The following KAZN variants were observed in gnomAD, a reference collection of about 807,000 sequenced individuals.
KAZN encodes the protein kazrin, periplakin interacting protein, also known as kazrin.
Under a neutral mutation model 87.4 loss-of-function variants are expected in KAZN, and 40 were observed. That is an observed-to-expected ratio of 0.46 (90% CI 0.36 to 0.60). KAZN has a LOEUF of 0.60. Among genes scored for constraint, KAZN ranks in the 20% least tolerant of loss-of-function variants. KAZN has a pLI of 0.00. For missense variants in KAZN, 898 were observed against 1,073.9 expected, an observed-to-expected ratio of 0.84 and a Z score of 2.29; for synonymous variants, 466 against 458.3, an observed-to-expected ratio of 1.02 and a Z score of -0.22.
intron 10 of KAZN, 101 bp downstream of exon 10, chr1:15,095,034 G>A: frequency 1.3e-6 from 1 of 785,040 alleles, no homozygotes; most frequent in Middle Eastern, 2.8e-4. Flanking sequence ...GCTGAACCAG[G>A]TGGTGGGGGA....
At chr1:15,113,553 G>C (rs1243674939) in intron 14 of KAZN, 1 of 152,204 alleles carries the variant, frequency 6.6e-6, no homozygotes, top group Non-Finnish European at 1.5e-5. Context: ...TGCAGTAAGA[G>C]AGAAGTATTT....
At chr1:14,380,822 A>C (rs1661303637) in intron 2 of KAZN, among the ~76,000 whole-genome samples, 1 of 152,238 alleles carries the variant, frequency 6.6e-6, no homozygotes. Flanking sequence ...AGGGATAATA[A>C]CACAAAACAT....
chr1:14,362,691 T>C (rs1362428890), intron 2 of KAZN, among the ~76,000 whole-genome samples: 1 of 152,168 alleles, frequency 6.6e-6, no homozygotes, highest in Non-Finnish European at 1.5e-5. Context: ...CACTTTAAGA[T>C]CAGAATTAGT....
In KAZN at chr1:14,616,879, G is replaced by A. The variant is rs112459619; in HGVS notation, c.226+17656G>A. 1.7e-3 allele frequency among the ~76,000 whole-genome samples: 266 copies of A among 152,254 alleles called. 2 individuals carry two copies. Among genetic ancestry groups the A allele is most frequent in the African/African-American group, 6.1e-3 (252 of 41,556 alleles). On this transcript the variant is annotated intron_variant, in intron 1 of 14. Transcript: ENST00000376030. Reference sequence around the variant, plus strand: ...CCTGACCGTTTGTAATACAGTGGTGGGTGTCCATCAAATCGCTATTAACTC... The same window carrying A: ...CCTGACCGTTTGTAATACAGTGGTGAGTGTCCATCAAATCGCTATTAACTC...
chr1:14,275,453 TG>T (rs1652276399), intron 2 of KAZN, among the ~76,000 whole-genome samples: 1 of 133,282 alleles, frequency 7.5e-6, no homozygotes, highest in Non-Finnish European at 1.8e-5. Flanking sequence ...ACTGTGTGTG[TG>T]TGTGTGTGTG....
At chr1:14,467,538 TAGC>T (rs1668230959) in intron 2 of KAZN, among the ~76,000 whole-genome samples, 1 of 152,018 alleles carries the variant, frequency 6.6e-6, no homozygotes, top group Non-Finnish European at 1.5e-5. Context: ...GTAGAAAGAT[TAGC>T]AGAGTGGCTT....
intron 1 of KAZN, among the ~76,000 whole-genome samples, chr1:14,714,298 G>A (rs1642663297): frequency 6.6e-6 from 1 of 152,144 alleles, no homozygotes; most frequent in Non-Finnish European, 1.5e-5. Context: ...CTTCGGAGCA[G>A]GTGAAGAGTA....
At chr1:14,194,523 C>T (rs930763191) in intron 2 of KAZN, among the ~76,000 whole-genome samples, 5 of 152,130 alleles carry the variant, frequency 3.3e-5, no homozygotes, top group Non-Finnish European at 5.9e-5. Context: ...CTTTCCCCAT[C>T]GTTGTCTGTG....
intron 2 of KAZN, among the ~76,000 whole-genome samples, chr1:14,435,916 A>C (rs1666358708): frequency 6.6e-6 from 1 of 152,106 alleles, no homozygotes; most frequent in African/African-American, 2.4e-5. Context: ...CTCTATGTGG[A>C]GCGTTACTGT....
intron 2 of KAZN, among the ~76,000 whole-genome samples, chr1:14,362,705 C>T (rs1659623951): frequency 2.0e-5 from 3 of 152,068 alleles, no homozygotes; most frequent in Admixed American, 2.0e-4. Flanking sequence ...AATTAGTATC[C>T]CTATTTCTTA....
At position 14,989,007 on chromosome 1, in the gene KAZN, C is replaced by G. The variant is rs145369165; in HGVS notation, c.418+28132C>G. Among the ~76,000 whole-genome samples, 1,499 of 152,344 alleles carry G rather than the reference C, an allele frequency of 9.8e-3. 13 individuals are homozygous for G. The highest frequency in any genetic ancestry group is 0.014 in the Non-Finnish European group (974 of 68,038). On this transcript the variant is annotated intron_variant, in intron 2 of 14. Coordinates refer to ENST00000376030, the MANE Select transcript of KAZN (RefSeq NM_201628.3). ...CCACACTTTGCACCACCACCTTCAACAGCTACCTATTGAGGCCCCATCTAG... is the reference window on the plus strand; with the variant it reads ...CCACACTTTGCACCACCACCTTCAAGAGCTACCTATTGAGGCCCCATCTAG...
chr1:15,030,625 AG>A (rs1671599253), intron 2 of KAZN, among the ~76,000 whole-genome samples: 2 of 152,324 alleles, frequency 1.3e-5, no homozygotes, highest in South Asian at 4.1e-4. Flanking sequence ...GCATCATGTT[AG>A]GGGGCAGGGC....
chr1:14,626,586 T>C (rs962332994), intron 1 of KAZN, among the ~76,000 whole-genome samples: 4 of 152,132 alleles, frequency 2.6e-5, no homozygotes, highest in Non-Finnish European at 5.9e-5. Context: ...GTCCACTTTC[T>C]CCAAGCCACA....
At chr1:14,671,414 G>C (rs1450611479) in intron 1 of KAZN, among the ~76,000 whole-genome samples, 1 of 152,194 alleles carries the variant, frequency 6.6e-6, no homozygotes, top group Admixed American at 6.5e-5. Context: ...AAGGAGGCTG[G>C]TGCTGGGTCA....
intron 10 of KAZN, among the ~76,000 whole-genome samples, chr1:15,101,039 G>C (rs7536059): frequency 6.6e-6 from 1 of 152,004 alleles, no homozygotes. Flanking sequence ...CCTGCCACAC[G>C]TGGCCCTTCT....
At chr1:14,913,691 C>T (rs548565063) in intron 1 of KAZN, among the ~76,000 whole-genome samples, 1 of 152,364 alleles carries the variant, frequency 6.6e-6, no homozygotes, top group African/African-American at 2.4e-5. Context: ...TTTGTAGCCA[C>T]CAAAGCCCCT....
At chr1:14,990,227 T>A (rs1447809858) in intron 2 of KAZN, among the ~76,000 whole-genome samples, 2 of 152,074 alleles carry the variant, frequency 1.3e-5, no homozygotes, top group Non-Finnish European at 2.9e-5. Flanking sequence ...TTTGTTTGTT[T>A]TTTGTTTTTT....
rs1676801535 is a variant in KAZN, at chr1:14,599,741, C to T, written c.226+518C>T. On this transcript the variant is annotated intron_variant, in intron 1 of 14. Transcript: ENST00000376030. This position sits in a 1 kb window ranked among gnomAD's most constrained non-coding sequence, Gnocchi z 4.4. ...AGTTGCATCTGGACTTTATTTTCTTCTCATTTGAGGTCTCTCAGGCATTGG... is the reference window on the plus strand; with the variant it reads ...AGTTGCATCTGGACTTTATTTTCTTTTCATTTGAGGTCTCTCAGGCATTGG... 6.6e-6 allele frequency among the ~76,000 whole-genome samples: 1 copy of T among 152,168 alleles called. No homozygotes were observed. The highest frequency in any genetic ancestry group is 2.1e-4 in the South Asian group (1 of 4,826).
chr1:14,382,024 T>A (rs1661408864), intron 2 of KAZN, among the ~76,000 whole-genome samples: 1 of 152,212 alleles, frequency 6.6e-6, no homozygotes, highest in Non-Finnish European at 1.5e-5. Context: ...AGCACTTATA[T>A]ATCCCAACTG....
Sources: allele counts gnomAD v4.1 joint callset (sites outside exome capture counted in the v4.1 genomes callset), GRCh38; gene constraint gnomAD v4.1.1; non-coding constraint Gnocchi (gnomAD v3.1); transcripts MANE v1.5; gene names NCBI Gene and HGNC (gene_info 2026-07-23, HGNC 2026-07-21).